Variants in SMG9 observed in about 807,000 individuals in gnomAD.
SMG9 encodes nonsense-mediated mRNA decay factor SMG9.
Under a neutral mutation model 64.0 loss-of-function variants are expected in SMG9, and 55 were observed. The ratio of observed to expected loss-of-function variants is 0.86; its 90% CI spans 0.69 to 1.08. The LOEUF is 1.08. Among genes scored for constraint, SMG9 ranks in the 50% least tolerant of loss-of-function variants. The pLI, the probability that SMG9 is intolerant of heterozygous loss-of-function variation, is 0.00. For missense variants in SMG9, 554 were observed against 681.3 expected (o/e 0.81, Z 2.08); for synonymous variants, 244 against 254.8 (o/e 0.96, Z 0.41).
chr19:43,742,814 G>C (rs1968882991), intron 6 of SMG9, among the ~76,000 whole-genome samples: 1 of 152,160 alleles, frequency 6.6e-6, no homozygotes, highest in Non-Finnish European at 1.5e-5. Flanking sequence ...AGGAAGGCCA[G>C]GCACGGTGGC....
chr19:43,745,926 G>A (rs895131874), intron 5 of SMG9, among the ~76,000 whole-genome samples: 10 of 152,286 alleles, frequency 6.6e-5, no homozygotes, highest in African/African-American at 2.4e-4. Context: ...GCTTGAACCC[G>A]GGAGGCGGGG....
intron 1 of SMG9, among the ~76,000 whole-genome samples, chr19:43,753,619 C>A (rs1016336870): frequency 3.3e-4 from 50 of 152,040 alleles, no homozygotes; most frequent in Non-Finnish European, 2.5e-4. Context: ...TACCACCAGG[C>A]CGGGCTAAGT....
At chr19:43,732,110 G>A (rs1968505131) in intron 13 of SMG9, among the ~76,000 whole-genome samples, 3 of 152,216 alleles carry the variant, frequency 2.0e-5, no homozygotes, top group Admixed American at 2.0e-4. Context: ...GGGACTCAAA[G>A]CTCTGCCCCA....
intron 9 of SMG9, among the ~76,000 whole-genome samples, chr19:43,736,727 G>A (rs543031975): frequency 2.6e-5 from 4 of 152,192 alleles, no homozygotes; most frequent in Non-Finnish European, 5.9e-5. Context: ...ACATTCGAAT[G>A]GGGGAGAAAG....
chr19:43,737,731 C>T, intron 8 of SMG9, 49 bp from the exon 9 acceptor site: 1 of 1,582,992 alleles, frequency 6.3e-7, no homozygotes, highest in South Asian at 1.1e-5. Context: ...TCTGCCCAGA[C>T]TAATCAGGAG....
Position 43,731,544 on chromosome 19 carries a change from C to T in SMG9, c.*52G>A. ...GGGGATGGACATCTGTGCTCCCTCG[C>T]AGTACACTGCGGACCCAGGAGGTCC... On this transcript the variant is annotated 3_prime_UTR_variant, in exon 14 of 14. Transcript: ENST00000270066. 6.2e-7 allele frequency: 1 copy of T among 1,612,378 alleles called. No individual in the cohort carries two copies. The highest frequency in any genetic ancestry group is 8.5e-7 in the Non-Finnish European group (1 of 1,178,918).
chr19:43,734,359 C>T lies in SMG9; in HGVS notation c.1102+30G>A, dbSNP rs778268725. ...TCAGCCCCTCATTTTTCCTCCTGCCCACCCCTCCAGTCCCCAGAAAGCCTC... is the reference window on the plus strand; with the variant it reads ...TCAGCCCCTCATTTTTCCTCCTGCCTACCCCTCCAGTCCCCAGAAAGCCTC... On this transcript the variant is annotated intron_variant, in intron 10 of 13. Transcript: ENST00000270066. The T allele has an allele frequency of 3.3e-6, 5 of 1,519,490 alleles. No individual in the cohort carries two copies. The Admixed American group carries it at 5.9e-5, about 18-fold the overall frequency. The allele number at this position is 1,519,490 out of a possible 1,614,324, so 94.1% of individuals were successfully genotyped here. A position where few individuals can be genotyped will look rare whatever the true frequency, so the allele number is the denominator to read the frequency against.
intron 2 of SMG9, among the ~76,000 whole-genome samples, chr19:43,749,685 C>T (rs548348794): frequency 6.6e-6 from 1 of 152,292 alleles, no homozygotes; most frequent in South Asian, 2.1e-4. Context: ...GTGGACAGGG[C>T]CCTAGAGAAA....
chr19:43,733,409 T>C lies in SMG9; in HGVS notation c.1254A>G (p.Pro418=). ...MLQCNVFPGL[P]PDFLDSEVNL... is the part of the protein sequence containing the mutation. Reference sequence around the variant, plus strand: ...TGACCTCAGAGTCCAGGAAGTCAGGTGGAAGCCCCGGGAAGACATTGCATT... The same window carrying C: ...TGACCTCAGAGTCCAGGAAGTCAGGCGGAAGCCCCGGGAAGACATTGCATT... The change falls in exon 12 of 14, where the codon CCA becomes CCG. Residue 418 remains proline, a synonymous_variant. Coordinates refer to ENST00000270066, the MANE Select transcript of SMG9 (RefSeq NM_019108.4). 1 of 1,614,036 alleles carries C rather than the reference T, an allele frequency of 6.2e-7. No individual in the cohort carries two copies. Among genetic ancestry groups the C allele is most frequent in the Non-Finnish European group, 8.5e-7 (1 of 1,180,030 alleles).
intron 7 of SMG9, among the ~76,000 whole-genome samples, chr19:43,738,495 C>T (rs1968745478): frequency 6.6e-6 from 1 of 152,048 alleles, no homozygotes; most frequent in South Asian, 2.1e-4. Flanking sequence ...AGTCATGTCC[C>T]TTAAAGGCTC....
intron 8 of SMG9, 77 bp from the exon 9 acceptor site, chr19:43,737,759 C>CA: frequency 2.1e-6 from 3 of 1,458,760 alleles, no homozygotes; most frequent in Non-Finnish European, 2.8e-6. Flanking sequence ...TCCCAGGACT[C>CA]AGTTCAGGAG....
chr19:43,747,850 T>C lies in SMG9; in HGVS notation c.273A>G (p.Pro91=). ...PPTAPAAPPA[P]APLEKPIVLM... ...GAACGATGGGCTTCTCCAGAGGGGC[T>C]GGAGCAGGCGGGGCAGCAGGGGCTG... Residue 91 remains proline, a synonymous_variant, in exon 4 of 14, where the codon CCA becomes CCG. Transcript: ENST00000270066. 6.2e-7 allele frequency: 1 copy of C among 1,607,932 alleles called. No homozygotes were observed. Among genetic ancestry groups the C allele is most frequent in the Non-Finnish European group, 8.5e-7 (1 of 1,176,776 alleles).
chr19:43,739,153 G>C (rs1968766680), intron 7 of SMG9, among the ~76,000 whole-genome samples: 1 of 152,234 alleles, frequency 6.6e-6, no homozygotes, highest in Non-Finnish European at 1.5e-5. Context: ...TGGAAGGGGA[G>C]GGCTTCTGAG....
At chr19:43,744,970 T>C (rs1599653434) in intron 5 of SMG9, 86 bp from the exon 6 acceptor site, 2 of 927,092 alleles carry the variant, frequency 2.2e-6, no homozygotes, top group Non-Finnish European at 3.4e-6. Context: ...CCCTTGTGGC[T>C]CCCCCACCTG....
chr19:43,752,295 G>A (rs923019336), intron 1 of SMG9, among the ~76,000 whole-genome samples: 4 of 152,192 alleles, frequency 2.6e-5, no homozygotes, highest in African/African-American at 9.7e-5. Context: ...TTCAGTATCT[G>A]TTTACAGGTC....
chr19:43,743,669 C>T (rs1968909481), intron 6 of SMG9, among the ~76,000 whole-genome samples: 1 of 152,076 alleles, frequency 6.6e-6, no homozygotes, highest in Non-Finnish European at 1.5e-5. Context: ...GGTGGCATGC[C>T]CCTGTAGTCC....
chr19:43,746,244 G>A (rs976330258), intron 5 of SMG9, among the ~76,000 whole-genome samples: 3 of 152,168 alleles, frequency 2.0e-5, no homozygotes, highest in African/African-American at 7.2e-5. Flanking sequence ...GAATATCTAT[G>A]GATGCCCTGT....
chr19:43,738,276 C>T lies in SMG9; in HGVS notation c.814-59G>A, dbSNP rs1346811828. 9 of 1,434,852 alleles carry T rather than the reference C, an allele frequency of 6.3e-6. 1 individual carries two copies. The highest frequency in any genetic ancestry group is 1.8e-4 in the Middle Eastern group (1 of 5,706). 88.9% of individuals were successfully genotyped at this position (1,434,852 alleles called of 1,614,324 possible). On this transcript the variant is annotated intron_variant, in intron 7 of 13. Coordinates refer to ENST00000270066, the MANE Select transcript of SMG9 (RefSeq NM_019108.4). The stretch of plus-strand genomic sequence containing the variant: ...ATACCCAAGTTTCACACGCTCAAGG[C>T]AAATACATTGTCTATCTCAGGACAA...
chr19:43,731,409 G>C lies in SMG9; in HGVS notation c.*187C>G. 2.8e-6 allele frequency: 4 copies of C among 1,418,216 alleles called. No homozygotes were observed. The highest frequency in any genetic ancestry group is 3.7e-6 in the Non-Finnish European group (4 of 1,085,706). 87.9% of individuals were successfully genotyped at this position (1,418,216 alleles called of 1,614,324 possible). On this transcript the variant is annotated 3_prime_UTR_variant, in exon 14 of 14. Transcript: ENST00000270066. Reference sequence around the variant, plus strand: ...GTGGGATCGCTCACAGTCACCCCCGGAACAGCCCCAACTGAGGGTGGGGGG... The same window carrying C: ...GTGGGATCGCTCACAGTCACCCCCGCAACAGCCCCAACTGAGGGTGGGGGG...
Sources: allele counts gnomAD v4.1 joint callset (sites outside exome capture counted in the v4.1 genomes callset), GRCh38; gene constraint gnomAD v4.1.1; transcripts MANE v1.5; gene names NCBI Gene and HGNC (gene_info 2026-07-23, HGNC 2026-07-21).